Variants in PKIB observed in about 807,000 individuals in gnomAD.
The protein encoded by PKIB is cAMP-dependent protein kinase inhibitor beta.
A neutral mutation model predicts 4.5 loss-of-function variants in PKIB; 2 were observed. That is an observed-to-expected ratio of 0.44 (90% CI 0.18 to 1.39). The LOEUF is 1.39. PKIB is among the 40% of genes most tolerant of loss of function. The pLI, the probability that PKIB is intolerant of heterozygous loss-of-function variation, is 0.27. For missense variants in PKIB, 94 were observed against 92.6 expected (o/e 1.02, Z -0.06); for synonymous variants, 38 against 36.0 (o/e 1.06, Z -0.20).
intron 2 of PKIB, among the ~76,000 whole-genome samples, chr6:122,532,715 G>T (rs1325279358): frequency 6.6e-6 from 1 of 152,130 alleles, no homozygotes; most frequent in African/African-American, 2.4e-5. Context: ...TTCATGGCTG[G>T]ATAATATCCC....
At chr6:122,485,365 T>C (rs1775735788) in intron 2 of PKIB, among the ~76,000 whole-genome samples, 1 of 152,170 alleles carries the variant, frequency 6.6e-6, no homozygotes, top group South Asian at 2.1e-4. Context: ...CAAAGGAGAA[T>C]TAGAATCTCA....
At chr6:122,548,041 A>G (rs1772558319) in intron 2 of PKIB, among the ~76,000 whole-genome samples, 1 of 152,108 alleles carries the variant, frequency 6.6e-6, no homozygotes. Context: ...CATAGGCTCC[A>G]TCTACACACA....
At chr6:122,701,224 G>A in intron 3 of PKIB, 1 of 465,632 alleles carries the variant, frequency 2.1e-6, no homozygotes, top group South Asian at 3.0e-5. Context: ...GGTTCTCCAT[G>A]GTGTGGCCAC....
chr6:122,693,026 A>T (rs1357584181), intron 3 of PKIB, among the ~76,000 whole-genome samples: 1 of 152,226 alleles, frequency 6.6e-6, no homozygotes, highest in Admixed American at 6.5e-5. Flanking sequence ...AGGATAAAGG[A>T]CTTGCATTTA....
intron 2 of PKIB, among the ~76,000 whole-genome samples, chr6:122,496,653 T>C (rs1776083816): frequency 6.6e-6 from 1 of 152,128 alleles, no homozygotes. Flanking sequence ...AACTATTCTT[T>C]TAAACTAATC....
chr6:122,524,536 A>ATTTATCCATTTCTTTTAGGATATTC, intron 2 of PKIB, among the ~76,000 whole-genome samples: 1 of 152,068 alleles, frequency 6.6e-6, no homozygotes, highest in East Asian at 1.9e-4. Flanking sequence ...ATTTTTTGGA[A>ATTTATCCATTTCTTTTAGGATATTC]AAGTTTTAAA....
upstream of PKIB, among the ~76,000 whole-genome samples, chr6:122,605,718 C>A (rs1314184939): frequency 6.6e-6 from 1 of 152,108 alleles, no homozygotes; most frequent in East Asian, 1.9e-4. Context: ...TTCTTTGTAA[C>A]CACACTTCTC....
chr6:122,508,416 T>C (rs1283477905), intron 2 of PKIB, among the ~76,000 whole-genome samples: 1 of 152,234 alleles, frequency 6.6e-6, no homozygotes, highest in Non-Finnish European at 1.5e-5. Context: ...TACAATGTCC[T>C]TGGCCTGATT....
At chr6:122,506,355 C>G (rs1776396030) in intron 2 of PKIB, among the ~76,000 whole-genome samples, 1 of 152,126 alleles carries the variant, frequency 6.6e-6, no homozygotes, top group African/African-American at 2.4e-5. Flanking sequence ...ATTGAAGTCT[C>G]TCATCATTTT....
At chr6:122,558,914 C>G (rs866069324) in intron 2 of PKIB, among the ~76,000 whole-genome samples, 34 of 152,220 alleles carry the variant, frequency 2.2e-4, no homozygotes, top group Admixed American at 5.9e-4. Flanking sequence ...CCACTTTTTC[C>G]CACAAGTCCC....
chr6:122,564,255 G>C (rs911205577), intron 2 of PKIB, among the ~76,000 whole-genome samples: 5 of 152,172 alleles, frequency 3.3e-5, no homozygotes, highest in African/African-American at 7.2e-5. Flanking sequence ...TCTCGGGATT[G>C]CTGGTTTGTT....
intron 2 of PKIB, among the ~76,000 whole-genome samples, chr6:122,562,586 T>C (rs1773067677): frequency 6.6e-6 from 1 of 152,206 alleles, no homozygotes; most frequent in African/African-American, 2.4e-5. Flanking sequence ...TCCACAGGAA[T>C]GCCAATTATC....
chr6:122,722,369 G>T (rs985739683), intron 4 of PKIB, among the ~76,000 whole-genome samples: 1 of 152,062 alleles, frequency 6.6e-6, no homozygotes, highest in Non-Finnish European at 1.5e-5. Flanking sequence ...CAAGATACTA[G>T]ATTGACAATA....
chr6:122,580,519 G>T (rs1200214643), intron 2 of PKIB, among the ~76,000 whole-genome samples: 3 of 151,910 alleles, frequency 2.0e-5, no homozygotes, highest in Admixed American at 2.0e-4. Flanking sequence ...AGATTAACTG[G>T]CTTTTTCCTT....
At chr6:122,498,516 T>C (rs546093840) in intron 2 of PKIB, among the ~76,000 whole-genome samples, 1 of 152,136 alleles carries the variant, frequency 6.6e-6, no homozygotes, top group Non-Finnish European at 1.5e-5. Flanking sequence ...ATAAAATACT[T>C]TTTTGAAATA....
intron 1 of PKIB, among the ~76,000 whole-genome samples, chr6:122,475,068 C>G (rs1346478551): frequency 6.6e-6 from 1 of 152,130 alleles, no homozygotes; most frequent in Non-Finnish European, 1.5e-5. Context: ...TAGGCTTGCT[C>G]TATTGCCCAG....
At chr6:122,638,711 C>A (rs1433908441) in intron 2 of PKIB, among the ~76,000 whole-genome samples, 1 of 152,152 alleles carries the variant, frequency 6.6e-6, no homozygotes, top group African/African-American at 2.4e-5. Flanking sequence ...AGTTTTTTCC[C>A]TTACTTACAC....
chr6:122,697,736 C>G (rs1430127128), intron 3 of PKIB, among the ~76,000 whole-genome samples: 1 of 152,076 alleles, frequency 6.6e-6, no homozygotes, highest in Admixed American at 6.6e-5. Flanking sequence ...CTACCTGAGG[C>G]CTATGGGAAG....
chr6:122,557,608 T>A (rs1772885053), intron 2 of PKIB, among the ~76,000 whole-genome samples: 1 of 152,218 alleles, frequency 6.6e-6, no homozygotes, highest in South Asian at 2.1e-4. Context: ...AAGGAGCTCT[T>A]CTTCCCAACT....
Sources: allele counts gnomAD v4.1 joint callset (sites outside exome capture counted in the v4.1 genomes callset), GRCh38; gene constraint gnomAD v4.1.1; transcripts MANE v1.5; gene names NCBI Gene and HGNC (gene_info 2026-07-23, HGNC 2026-07-21).